SFPQ: variants seen among roughly 807,000 people sequenced by gnomAD.
The protein encoded by SFPQ is splicing factor proline and glutamine rich, also known as splicing factor, proline- and glutamine-rich.
SFPQ carries 11 observed loss-of-function variants against 72.9 expected under a neutral mutation model. The observed-to-expected ratio is 0.15, with a 90% confidence interval of 0.09 to 0.25. The LOEUF is 0.25. Among genes scored for constraint, SFPQ ranks in the 10% least tolerant of loss-of-function variants. The pLI is 1.00. For synonymous variants in SFPQ, 506 were observed against 367.3 expected (o/e 1.38, Z -4.32); for missense variants, 847 against 993.3 (o/e 0.85, Z 1.98).
chr1:35,178,814 C>T, downstream of SFPQ: 1 of 1,049,640 alleles, frequency 9.5e-7, no homozygotes, highest in Non-Finnish European at 1.1e-6. Flanking sequence ...ATAAGGGATA[C>T]TATATCGTTT....
rs1482849633 is a variant in SFPQ at position 35,192,291 on chromosome 1, C to CTGG, written c.756_758dup (p.His252dup). 6.8e-7 allele frequency: 1 copy of CTGG among 1,461,426 alleles called. No individual in the cohort carries two copies. Among genetic ancestry groups the CTGG allele is most frequent in the Non-Finnish European group, 9.0e-7 (1 of 1,114,978 alleles). 90.5% of individuals were successfully genotyped at this position (1,461,426 alleles called of 1,614,324 possible). On this transcript the variant is annotated inframe_insertion, in exon 1 of 10. Transcript: ENST00000357214. ...CGGGCGGGGGCCCCTGGTGATGCTG[C>CTGG]TGGTGGTAGGGCGGGTGGTGCTGGC...
downstream of SFPQ, chr1:35,180,004 CATCT>C (rs1570107012): frequency 6.7e-6 from 7 of 1,050,070 alleles, no homozygotes; most frequent in African/African-American, 3.3e-5. Flanking sequence ...TTTGCTCTTT[CATCT>C]ATCAGTAGAG....
At chr1:35,180,649 T>C, downstream of SFPQ, 1 of 1,053,840 alleles carries the variant, frequency 9.5e-7, no homozygotes, top group Non-Finnish European at 1.1e-6. Flanking sequence ...CAAAAAAACC[T>C]GTACTTTTAG....
At position 35,187,981 on chromosome 1, in the gene SFPQ, T is replaced by C. The variant is rs756382499; in HGVS notation, c.1807A>G (p.Met603Val). ...AGTAAAGGCTGACTTACTGGATCCA[T>C]GTAGCCCATTCGGCTGTAACTTTCC... ...REESYSRMGY[M>V]DPRERDMRMG... The change falls in exon 7 of 10, where the codon ATG (methionine) becomes GTG (valine). Residue 603 changes from methionine to valine, a missense_variant. Transcript: ENST00000357214. The C allele has an allele frequency of 2.0e-5, 33 of 1,611,202 alleles. No homozygotes were observed. Among genetic ancestry groups the C allele is most frequent in the East Asian group, 4.5e-5 (2 of 44,876 alleles).
Position 35,192,879 on chromosome 1 carries a change from C to T in SFPQ, c.171G>A (p.Lys57=). 2 of 1,540,918 alleles carry T rather than the reference C, an allele frequency of 1.3e-6. No homozygotes were observed. The highest frequency in any genetic ancestry group is 2.5e-5 in the East Asian group (1 of 39,702). Reference sequence around the variant, plus strand: ...GTGGAGGCGGTGGCGGGATCGGAGGCTTAGGGCCGCTCTGGCCCGGGCCAG... The same window carrying T: ...GTGGAGGCGGTGGCGGGATCGGAGGTTTAGGGCCGCTCTGGCCCGGGCCAG... The part of the protein sequence containing the change: ...MGPGPGQSGP[K]PPIPPPPPHQ... The change falls in exon 1 of 10, where the codon AAG becomes AAA. Residue 57 remains lysine (K), a synonymous_variant. Transcript: ENST00000357214.
At position 35,184,135 on chromosome 1, in the gene SFPQ, T is replaced by G; in HGVS notation, c.*321A>C. ...AAGATCAATATTATAACTATTTTTC[T>G]ATTTATTTGAAGCACAGTAAAAAAA... is the stretch of plus-strand genomic sequence containing the variant. On this transcript the variant is annotated 3_prime_UTR_variant, in exon 10 of 10. Transcript: ENST00000357214. The G allele has an allele frequency of 8.8e-7, 1 of 1,141,920 alleles. No homozygotes were observed. Among genetic ancestry groups the G allele is most frequent in the Non-Finnish European group, 1.1e-6 (1 of 929,928 alleles). 70.7% of individuals were successfully genotyped at this position (1,141,920 alleles called of 1,614,324 possible).
At position 35,184,438 on chromosome 1, in the gene SFPQ, A is replaced by G. The variant is rs766279751; in HGVS notation, c.*18T>C. On this transcript the variant is annotated 3_prime_UTR_variant, in exon 10 of 10. Coordinates refer to ENST00000357214, the MANE Select transcript of SFPQ (RefSeq NM_005066.3). ...CAAAAAAACAAAACAAACTGGAATG[A>G]AAGCCTAAATATCACATCTAAAATC... 1.9e-6 allele frequency: 3 copies of G among 1,598,848 alleles called. No individual in the cohort carries two copies. Among genetic ancestry groups the G allele is most frequent in the South Asian group, 2.3e-5 (2 of 87,478 alleles).
downstream of SFPQ, chr1:35,181,903 G>C (rs115385043): frequency 1.0e-6 from 1 of 985,168 alleles, no homozygotes; most frequent in Non-Finnish European, 1.2e-6. Context: ...TTTTAGTGAT[G>C]AAAGTCAAAT....
At chr1:35,187,613 C>T (rs1639783434) in intron 7 of SFPQ, among the ~76,000 whole-genome samples, 1 of 152,058 alleles carries the variant, frequency 6.6e-6, no homozygotes, top group Non-Finnish European at 1.5e-5. Flanking sequence ...CACTTGTAAT[C>T]CCACCTACTC....
chr1:35,192,735 G>A lies in SFPQ; in HGVS notation c.315C>T (p.Asp105=), dbSNP rs773886660. ...CCTGAGCAACGACGGGCTTGGAAGA[G>A]TCCTGCGGCGGTGGCGGCGGCTGCT... ...QQQQPPPPPQ[D]SSKPVVAQGP... Residue 105 remains aspartate, a synonymous_variant, in exon 1 of 10, where the codon GAC becomes GAT. Transcript: ENST00000357214. The A allele has an allele frequency of 1.3e-6, 2 of 1,502,678 alleles. No homozygotes were observed. The highest frequency in any genetic ancestry group is 5.4e-5 in the East Asian group (2 of 37,298). The allele number at this position is 1,502,678 out of a possible 1,614,324, so 93.1% of individuals were successfully genotyped here.
downstream of SFPQ, chr1:35,178,150 G>T (rs925797578): frequency 1.8e-6 from 2 of 1,093,228 alleles, no homozygotes; most frequent in South Asian, 5.8e-5. Context: ...AAAGATTGGG[G>T]GTAAGTTACA....
Position 35,184,037 on chromosome 1 carries a change from G to C in SFPQ, c.*419C>G. The C allele has an allele frequency of 5.6e-6, 6 of 1,068,156 alleles. No individual in the cohort carries two copies. The highest frequency in any genetic ancestry group is 6.8e-6 in the Non-Finnish European group (6 of 882,108). The allele number at this position is 1,068,156 out of a possible 1,614,324, so 66.2% of individuals were successfully genotyped here. On this transcript the variant is annotated 3_prime_UTR_variant, in exon 10 of 10. Transcript: ENST00000357214. The stretch of plus-strand genomic sequence containing the variant: ...CCAGAAATGGCATATGCCATTCAAA[G>C]GCCTAGACACTCTCATGCTTTCAAT...
At chr1:35,180,042 A>T, downstream of SFPQ, 1 of 1,053,930 alleles carries the variant, frequency 9.5e-7, no homozygotes, top group Non-Finnish European at 1.1e-6. Flanking sequence ...GCTTGAATGG[A>T]CTACATGTTA....
In SFPQ at chr1:35,184,128, ATT is replaced by A; in HGVS notation, c.*326_*327del. 8 of 1,136,984 alleles carry A rather than the reference ATT, an allele frequency of 7.0e-6. No individual in the cohort carries two copies. The highest frequency in any genetic ancestry group is 8.6e-6 in the Non-Finnish European group (8 of 926,870). 70.4% of individuals were successfully genotyped at this position (1,136,984 alleles called of 1,614,324 possible). The stretch of plus-strand genomic sequence containing the variant: ...AAAGTTGAAGATCAATATTATAACT[ATT>A]TTTCTATTTATTTGAAGCACAGTAA... On this transcript the variant is annotated 3_prime_UTR_variant, in exon 10 of 10. Coordinates refer to ENST00000357214, the MANE Select transcript of SFPQ (RefSeq NM_005066.3).
chr1:35,178,065 A>G (rs1423438419), downstream of SFPQ: 25 of 1,279,070 alleles, frequency 2.0e-5, no homozygotes, highest in Non-Finnish European at 2.5e-5. Context: ...AAGTTAATAT[A>G]AAAGACAAGG....
chr1:35,186,124 T>A (rs2148615388), intron 9 of SFPQ, among the ~76,000 whole-genome samples: 1 of 152,332 alleles, frequency 6.6e-6, no homozygotes. Flanking sequence ...AAAATCCTTA[T>A]GTTTCTATTT....
At chr1:35,188,380 C>T (rs1639830375) in intron 6 of SFPQ, among the ~76,000 whole-genome samples, 1 of 152,164 alleles carries the variant, frequency 6.6e-6, no homozygotes, top group South Asian at 2.1e-4. Context: ...CCCTAAATGT[C>T]AGAATATAAA....
intron 5 of SFPQ, chr1:35,177,232 A>C (rs1426036703): frequency 6.6e-6 from 1 of 152,160 alleles, no homozygotes; most frequent in Non-Finnish European, 1.5e-5. Flanking sequence ...TAAAAAATTA[A>C]TGGTTCCCAC....
At chr1:35,179,073 T>G, downstream of SFPQ, 1 of 1,057,166 alleles carries the variant, frequency 9.5e-7, no homozygotes, top group South Asian at 4.6e-5. Flanking sequence ...AGGCAGCCAT[T>G]TGAGAACTGC....
Sources: gnomAD v4.1 joint callset for allele counts (sites outside exome capture counted in the v4.1 genomes callset) on GRCh38, gnomAD v4.1.1 for gene constraint, MANE v1.5 for transcripts, NCBI Gene and HGNC (gene_info 2026-07-23, HGNC 2026-07-21) for gene names.